Variants in TAS1R1 observed in about 807,000 individuals in gnomAD.
The protein encoded by TAS1R1 is taste 1 receptor member 1, also known as taste receptor type 1 member 1.
TAS1R1 carries 31 observed loss-of-function variants against 45.8 expected under a neutral mutation model. The observed-to-expected ratio is 0.68, with a 90% CI of 0.51 to 0.91. TAS1R1 has a LOEUF of 0.91. Among genes scored for constraint, TAS1R1 ranks in the 40% least tolerant of loss-of-function variants. The pLI is 0.00. For synonymous variants in TAS1R1, 437 were observed against 448.4 expected, an observed-to-expected ratio of 0.97 and a Z score of 0.32; for missense variants, 1,051 against 1,063.9, an observed-to-expected ratio of 0.99 and a Z score of 0.17.
intron 1 of TAS1R1, among the ~76,000 whole-genome samples, chr1:6,557,789 C>T (rs1026962087): frequency 6.6e-6 from 1 of 152,138 alleles, no homozygotes; most frequent in Non-Finnish European, 1.5e-5. Flanking sequence ...GGCTAGTCTC[C>T]ACCTCCTGGG....
At position 6,574,786 on chromosome 1, in the gene TAS1R1, C is replaced by T. The variant is rs775183941; in HGVS notation, c.654C>T (p.Asp218=). Reference sequence around the variant, plus strand: ...GGATCTCTCTGGTTGGCAGCAGTGACGACTATGGGCAGCTAGGGGTGCAGG... The same window carrying T: ...GGATCTCTCTGGTTGGCAGCAGTGATGACTATGGGCAGCTAGGGGTGCAGG... ...WTWISLVGSS[D]DYGQLGVQAL... Residue 218 remains aspartate, a synonymous_variant, in exon 3 of 6, where the codon GAC becomes GAT. Coordinates refer to ENST00000333172, the MANE Select transcript of TAS1R1 (RefSeq NM_138697.4). The surrounding 1 kb of genome is among the most constrained non-coding windows in gnomAD (Gnocchi z 4.3). 1.8e-5 allele frequency: 29 copies of T among 1,614,136 alleles called. No individual in the cohort carries two copies. The highest frequency in any genetic ancestry group is 1.3e-4 in the East Asian group (6 of 44,898).
chr1:6,558,530 G>A (rs998483912), intron 1 of TAS1R1, among the ~76,000 whole-genome samples: 1 of 152,036 alleles, frequency 6.6e-6, no homozygotes, highest in Non-Finnish European at 1.5e-5. Context: ...GACCAGCCTG[G>A]CCAACATGGT....
chr1:6,569,480 C>T (rs947351394), intron 1 of TAS1R1, among the ~76,000 whole-genome samples: 2 of 152,272 alleles, frequency 1.3e-5, no homozygotes, highest in Admixed American at 6.5e-5. Context: ...TGTATTGAGG[C>T]CAGACAGTAT....
Position 6,555,307 on chromosome 1 carries a change from C to G in TAS1R1, c.-67C>G. 6.9e-7 allele frequency: 1 copy of G among 1,447,412 alleles called. No homozygotes were observed. The highest frequency in any genetic ancestry group is 9.1e-7 in the Non-Finnish European group (1 of 1,095,028). 89.7% of individuals were successfully genotyped at this position (1,447,412 alleles called of 1,614,324 possible). A position where few individuals can be genotyped will look rare whatever the true frequency, so the allele number is the denominator to read the frequency against. ...TTAGGAAGCATCCGGCAGCTGCCTT[C>G]TATTTAAGCAACTGGCCTCCTTAGA... On this transcript the variant is annotated 5_prime_UTR_variant, in exon 1 of 6. Coordinates refer to ENST00000333172, the MANE Select transcript of TAS1R1 (RefSeq NM_138697.4).
intron 1 of TAS1R1, among the ~76,000 whole-genome samples, chr1:6,560,284 C>T (rs566247315): frequency 1.3e-4 from 20 of 152,234 alleles, no homozygotes; most frequent in Admixed American, 2.0e-4. Context: ...GCAACAAGAG[C>T]GAAACTCCAT....
At chr1:6,556,167 A>C (rs536495900) in intron 1 of TAS1R1, among the ~76,000 whole-genome samples, 4 of 151,970 alleles carry the variant, frequency 2.6e-5, no homozygotes, top group African/African-American at 9.6e-5. Flanking sequence ...CACCGCGCCC[A>C]GCCGCTTTTT....
chr1:6,558,134 T>C (rs1639719236), intron 1 of TAS1R1, among the ~76,000 whole-genome samples: 3 of 151,802 alleles, frequency 2.0e-5, no homozygotes. Context: ...GCAGCTTTGC[T>C]TGGGCCTCAG....
In TAS1R1 at chr1:6,579,337, A is replaced by C. The variant is rs139812264; in HGVS notation, c.2279A>C (p.Lys760Thr). The C allele has an allele frequency of 6.2e-7, 1 of 1,613,982 alleles. No homozygotes were observed. Among genetic ancestry groups the C allele is most frequent in the East Asian group, 2.2e-5 (1 of 44,888 alleles). The change falls in exon 6 of 6, where the codon AAA (lysine) becomes ACA (threonine). Residue 760 changes from lysine (K) to threonine (T), a missense_variant. Coordinates refer to ENST00000333172, the MANE Select transcript of TAS1R1 (RefSeq NM_138697.4). ...TTGCCAGAGAACTACAACGAGGCCA[A>C]ATGTGTCACCTTCAGCCTGCTCTTC... Reference protein sequence around the residue: ...KDLPENYNEAKCVTFSLLFNF... With the variant: ...KDLPENYNEATCVTFSLLFNF...
At position 6,571,113 on chromosome 1, in the gene TAS1R1, CCTT is replaced by C; in HGVS notation, c.399_401del (p.Leu134del). 1 of 1,613,972 alleles carries C rather than the reference CCTT, an allele frequency of 6.2e-7. No homozygotes were observed. The highest frequency in any genetic ancestry group is 8.5e-7 in the Non-Finnish European group (1 of 1,179,894). Reference sequence around the variant, plus strand: ...AACACCACATAGAGCTCCAAGGAGACCTTCTCCACTATTCCCCTACGGTGCTGG... The same window carrying C: ...AACACCACATAGAGCTCCAAGGAGACCTCCACTATTCCCCTACGGTGCTGG... On this transcript the variant is annotated inframe_deletion, in exon 2 of 6. Transcript: ENST00000333172.
chr1:6,577,340 C>G (rs1156888623), intron 5 of TAS1R1, among the ~76,000 whole-genome samples: 1 of 151,764 alleles, frequency 6.6e-6, no homozygotes, highest in Non-Finnish European at 1.5e-5. Context: ...TCGAGACCAG[C>G]CTGGCCAACA....
Position 6,579,266 on chromosome 1 carries a change from C to G in TAS1R1, c.2208C>G (p.Gly736=), listed in dbSNP as rs761975641. 4 of 1,614,242 alleles carry G rather than the reference C, an allele frequency of 2.5e-6. No homozygotes were observed. Residue 736 remains glycine (G), a synonymous_variant, in exon 6 of 6, where the codon GGC becomes GGG. Transcript: ENST00000333172. Reference sequence around the variant, plus strand: ...TCATACTGGCCTTCCTCTACAATGGCCTCCTCTCCATCAGTGCCTTTGCCT... The same window carrying G: ...TCATACTGGCCTTCCTCTACAATGGGCTCCTCTCCATCAGTGCCTTTGCCT... ...LGFILAFLYN[G]LLSISAFACS...
Position 6,579,056 on chromosome 1 carries a change from A to G in TAS1R1, c.1998A>G (p.Val666=), listed in dbSNP as rs112841677. 2.4e-5 allele frequency: 39 copies of G among 1,613,258 alleles called. No homozygotes were observed. The African/African-American group carries it at 3.1e-4, about 13-fold the overall frequency. The stretch of plus-strand genomic sequence containing the variant: ...TCATCTTCAAGTTTTCCACCAAGGT[A>G]CCTACATTCTACCACGCCTGGGTCC... ...LIIIFKFSTK[V]PTFYHAWVQN... is the part of the protein sequence containing the mutation. The change falls in exon 6 of 6, where the codon GTA becomes GTG. Residue 666 remains valine (V), a synonymous_variant. Transcript: ENST00000333172.
chr1:6,559,145 G>A (rs1159506156), intron 1 of TAS1R1, among the ~76,000 whole-genome samples: 4 of 151,344 alleles, frequency 2.6e-5, no homozygotes, highest in African/African-American at 7.3e-5. Flanking sequence ...CACCCGCCTC[G>A]GCCTCCCAAA....
intron 1 of TAS1R1, among the ~76,000 whole-genome samples, chr1:6,556,093 G>C (rs1217463444): frequency 1.3e-5 from 2 of 151,992 alleles, no homozygotes; most frequent in Admixed American, 6.6e-5. Flanking sequence ...GAATGGTCTC[G>C]ATCTCCTGAC....
Position 6,557,515 on chromosome 1 carries a change from C to T in TAS1R1, c.191+1951C>T, listed in dbSNP as rs1296603437. On this transcript the variant is annotated intron_variant, in intron 1 of 5. Coordinates refer to ENST00000333172, the MANE Select transcript of TAS1R1 (RefSeq NM_138697.4). ...GCAATCATAGCTCACTGCAGCCTTA[C>T]TTGGGCCTCATTGAAGCTCAAGTGA... 2.0e-5 allele frequency among the ~76,000 whole-genome samples: 3 copies of T among 152,164 alleles called. No individual in the cohort carries two copies. In the South Asian group the frequency reaches 6.2e-4, roughly 32 times the overall value.
chr1:6,558,234 C>T (rs1639721325), intron 1 of TAS1R1, among the ~76,000 whole-genome samples: 1 of 151,918 alleles, frequency 6.6e-6, no homozygotes, highest in Admixed American at 6.6e-5. Flanking sequence ...GACAGGGTCT[C>T]ACTACATTGC....
chr1:6,569,533 G>A (rs1185807734), intron 1 of TAS1R1, among the ~76,000 whole-genome samples: 6 of 152,194 alleles, frequency 3.9e-5, no homozygotes, highest in Non-Finnish European at 8.8e-5. Flanking sequence ...TCTGAATGGA[G>A]GCCGAGGGCA....
intron 1 of TAS1R1, among the ~76,000 whole-genome samples, chr1:6,566,140 A>G (rs900486566): frequency 6.6e-6 from 1 of 152,174 alleles, no homozygotes; most frequent in Admixed American, 6.5e-5. Context: ...GCTGGGGGAA[A>G]GGTCTAAGGA....
At chr1:6,558,576 C>T (rs1383257365) in intron 1 of TAS1R1, among the ~76,000 whole-genome samples, 3 of 152,048 alleles carry the variant, frequency 2.0e-5, no homozygotes, top group Non-Finnish European at 2.9e-5. Flanking sequence ...AAAAATTAGC[C>T]AGGCTTAGTG....
Sources: allele counts gnomAD v4.1 joint callset (sites outside exome capture counted in the v4.1 genomes callset), GRCh38; gene constraint gnomAD v4.1.1; non-coding constraint Gnocchi (gnomAD v3.1); transcripts MANE v1.5; gene names NCBI Gene and HGNC (gene_info 2026-07-23, HGNC 2026-07-21).